NEBL: variants seen among roughly 807,000 people sequenced by gnomAD.
NEBL encodes LIM and SH3 protein 2.
In NEBL, 122 loss-of-function variants were observed where a neutral mutation model predicts 140.2. That is an observed-to-expected ratio of 0.87 (90% CI 0.75 to 1.01). NEBL has a LOEUF of 1.01. Among genes scored for constraint, NEBL ranks in the 50% least tolerant of loss-of-function variants. The probability of loss-of-function intolerance (pLI) is 0.00; values close to 1 mark genes in which losing one functional copy is unlikely to be tolerated. For synonymous variants in NEBL, 436 were observed against 398.9 expected, an observed-to-expected ratio of 1.09 and a Z score of -1.11; for missense variants, 1,365 against 1,231.3, an observed-to-expected ratio of 1.11 and a Z score of -1.62.
chr10:20,912,928 G>T (rs1427772837), intron 4 of NEBL, among the ~76,000 whole-genome samples: 4 of 145,212 alleles, frequency 2.8e-5, no homozygotes, highest in Non-Finnish European at 4.5e-5. Flanking sequence ...TGTTACCCAG[G>T]CTTTAAGGTT....
exon 2 of NEBL, chr10:21,172,391 A>G (rs1270135659): frequency 3.1e-6 from 5 of 1,612,820 alleles, no homozygotes; most frequent in Non-Finnish European, 3.4e-6. Flanking sequence ...ACGCATTACA[A>G]TAGGGCTTCT....
intron 2 of NEBL, chr10:21,125,978 C>A (rs1451517346): frequency 1.2e-6 from 2 of 1,614,188 alleles, no homozygotes; most frequent in East Asian, 4.5e-5. Flanking sequence ...TCAGGAGCTG[C>A]CTGGATGGGC....
intron 2 of NEBL, among the ~76,000 whole-genome samples, chr10:21,116,698 G>C (rs1025343087): frequency 2.0e-5 from 3 of 151,924 alleles, no homozygotes; most frequent in Non-Finnish European, 4.4e-5. Flanking sequence ...TGGAGACAAG[G>C]TCTTGCTGTC....
At chr10:21,230,606 T>G (rs116478824) in intron 3 of NEBL, among the ~76,000 whole-genome samples, 2 of 139,974 alleles carry the variant, frequency 1.4e-5, no homozygotes, top group Non-Finnish European at 3.0e-5. Flanking sequence ...CTGGAAACCT[T>G]TTTTTTTTTT....
intron 2 of NEBL, among the ~76,000 whole-genome samples, chr10:21,167,811 G>A (rs190644856): frequency 2.8e-4 from 43 of 152,108 alleles, no homozygotes; most frequent in Non-Finnish European, 5.3e-4. Context: ...TATTTTCTCG[G>A]CACCTCTTAG....
At chr10:21,235,529 G>T (rs1018704380) in intron 3 of NEBL, among the ~76,000 whole-genome samples, 1 of 152,076 alleles carries the variant, frequency 6.6e-6, no homozygotes, top group Admixed American at 6.5e-5. Flanking sequence ...TGGACAGGCT[G>T]GTCTCGAACT....
intron 2 of NEBL, among the ~76,000 whole-genome samples, chr10:21,089,452 G>T (rs1055377580): frequency 4.6e-5 from 7 of 152,152 alleles, no homozygotes; most frequent in African/African-American, 1.7e-4. Context: ...GAGCTTGGAG[G>T]AATGTTACTG....
At chr10:20,825,345 T>C (rs1404646319) in intron 18 of NEBL, among the ~76,000 whole-genome samples, 1 of 152,088 alleles carries the variant, frequency 6.6e-6, no homozygotes, top group Admixed American at 6.6e-5. Context: ...GAACGAATCC[T>C]TTTTACTTCC....
chr10:20,944,607 T>G (rs1835065763), intron 4 of NEBL, among the ~76,000 whole-genome samples: 1 of 152,164 alleles, frequency 6.6e-6, no homozygotes, highest in Admixed American at 6.5e-5. Flanking sequence ...GTTTGCACTC[T>G]CTCACACCTG....
chr10:21,115,566 T>C (rs1838246103), intron 2 of NEBL, among the ~76,000 whole-genome samples: 1 of 152,074 alleles, frequency 6.6e-6, no homozygotes, highest in Non-Finnish European at 1.5e-5. Context: ...TTAAAGGTGC[T>C]GCTCCATTGT....
chr10:21,034,412 T>C (rs1025598164), intron 2 of NEBL, among the ~76,000 whole-genome samples: 2 of 152,126 alleles, frequency 1.3e-5, no homozygotes, highest in Non-Finnish European at 2.9e-5. Context: ...ACATTACTAA[T>C]CACACCACTC....
intron 3 of NEBL, among the ~76,000 whole-genome samples, chr10:21,209,080 A>G (rs1316373952): frequency 6.6e-6 from 1 of 152,214 alleles, no homozygotes; most frequent in Non-Finnish European, 1.5e-5. Flanking sequence ...TGCAATCCTT[A>G]AAGTATGAAT....
intron 3 of NEBL, among the ~76,000 whole-genome samples, chr10:20,981,845 T>A (rs866482368): frequency 6.6e-6 from 1 of 152,200 alleles, no homozygotes; most frequent in Non-Finnish European, 1.5e-5. Flanking sequence ...AAACAGCCTA[T>A]GAGCCCCTCT....
chr10:21,217,057 G>A (rs1660482382), intron 3 of NEBL, among the ~76,000 whole-genome samples: 1 of 152,124 alleles, frequency 6.6e-6, no homozygotes, highest in South Asian at 2.1e-4. Flanking sequence ...ATACCCCTGG[G>A]AAGGGGCTCT....
chr10:20,894,605 G>A (rs1247574161), intron 2 of NEBL, among the ~76,000 whole-genome samples: 2 of 151,982 alleles, frequency 1.3e-5, no homozygotes, highest in Non-Finnish European at 2.9e-5. Context: ...ATGTGAATGT[G>A]TATACAGATA....
At chr10:20,879,694 G>T (rs149908128) in intron 5 of NEBL, among the ~76,000 whole-genome samples, 105 of 152,182 alleles carry the variant, frequency 6.9e-4, no homozygotes, top group Non-Finnish European at 1.3e-3. Context: ...CTGTACTTCA[G>T]GTACTTTTCC....
intron 4 of NEBL, among the ~76,000 whole-genome samples, chr10:20,960,055 T>C (rs1469013475): frequency 6.6e-6 from 1 of 152,076 alleles, no homozygotes; most frequent in Non-Finnish European, 1.5e-5. Flanking sequence ...AACATGAATA[T>C]TGACTAAATT....
At chr10:21,027,366 C>T (rs1252887718) in intron 2 of NEBL, among the ~76,000 whole-genome samples, 2 of 150,420 alleles carry the variant, frequency 1.3e-5, no homozygotes, top group African/African-American at 4.9e-5. Context: ...CTCACTCTGT[C>T]ACCTAGGCTG....
At chr10:20,916,269 A>G (rs1000284565) in intron 4 of NEBL, among the ~76,000 whole-genome samples, 1 of 152,246 alleles carries the variant, frequency 6.6e-6, no homozygotes, top group Admixed American at 6.5e-5. Flanking sequence ...GAAACTGCAA[A>G]GTGGGGAAGG....
Sources: allele counts gnomAD v4.1 joint callset (sites outside exome capture counted in the v4.1 genomes callset), GRCh38; gene constraint gnomAD v4.1.1; transcripts MANE v1.5; gene names NCBI Gene and HGNC (gene_info 2026-07-23, HGNC 2026-07-21).